PHLPP1: variants seen among roughly 807,000 people sequenced by gnomAD.
PHLPP1 encodes the protein PH domain leucine-rich repeat-containing protein phosphatase 1.
PHLPP1 carries 42 observed loss-of-function variants against 117.2 expected under a neutral mutation model. The ratio of observed to expected loss-of-function variants is 0.36; its 90% CI spans 0.28 to 0.46. PHLPP1 has a LOEUF of 0.46. Among genes scored for constraint, PHLPP1 ranks in the 20% least tolerant of loss-of-function variants. The probability of loss-of-function intolerance (pLI) is 1.00; values close to 1 mark genes in which losing one functional copy is unlikely to be tolerated. For missense variants in PHLPP1, 2,084 were observed against 2,241.9 expected, an observed-to-expected ratio of 0.93 and a Z score of 1.42; for synonymous variants, 1,042 against 970.7, an observed-to-expected ratio of 1.07 and a Z score of -1.37.
intron 4 of PHLPP1, among the ~76,000 whole-genome samples, chr18:62,867,955 G>T (rs1186953786): frequency 6.6e-6 from 1 of 152,044 alleles, no homozygotes; most frequent in Non-Finnish European, 1.5e-5. Context: ...GGGATTACAG[G>T]CGCCCACCAC....
rs780383362 is a variant in PHLPP1 at position 62,717,137 on chromosome 18, C to T, written c.1454C>T (p.Ala485Val). 6.3e-7 allele frequency: 1 copy of T among 1,595,680 alleles called. No homozygotes were observed. The highest frequency in any genetic ancestry group is 1.7e-5 in the Admixed American group (1 of 58,422). ...LHGETTRRLE[A>V]EEKPLQIQND... ...GGAGAGACCACCCGGCGCTTGGAGG[C>T]GGAGGAGAAGCCATTGCAGATCCAA... Residue 485 changes from alanine (A) to valine (V), a missense_variant, in exon 1 of 17, where the codon GCG (alanine) becomes GTG (valine). This residue lies in a region of PHLPP1 where 1,365 missense variants were observed against 1,605.9 expected (regional missense o/e 0.85). Transcript: ENST00000262719.
At chr18:62,733,748 G>A (rs1036984091) in intron 1 of PHLPP1, among the ~76,000 whole-genome samples, 2 of 152,182 alleles carry the variant, frequency 1.3e-5, no homozygotes, top group African/African-American at 2.4e-5. Context: ...CAGGAATGGG[G>A]AGAGAGAGCC....
At chr18:62,939,353 A>G (rs1910063900) in intron 10 of PHLPP1, among the ~76,000 whole-genome samples, 3 of 152,124 alleles carry the variant, frequency 2.0e-5, no homozygotes. Flanking sequence ...AGTCCATGAT[A>G]TTTTAGGGCA....
At chr18:62,795,303 C>A (rs1198385701) in intron 1 of PHLPP1, among the ~76,000 whole-genome samples, 2 of 151,790 alleles carry the variant, frequency 1.3e-5, no homozygotes, top group African/African-American at 4.8e-5. Flanking sequence ...CACGGTGAAA[C>A]CTCATCTCTA....
intron 1 of PHLPP1, among the ~76,000 whole-genome samples, chr18:62,818,628 T>C (rs991844498): frequency 2.6e-5 from 4 of 152,152 alleles, no homozygotes; most frequent in African/African-American, 7.2e-5. Flanking sequence ...GTAAGAAATG[T>C]CAAGCCATTG....
chr18:62,896,112 T>C (rs1233205194), intron 6 of PHLPP1, 101 bp downstream of exon 6: 1 of 674,418 alleles, frequency 1.5e-6, no homozygotes, highest in Non-Finnish European at 2.6e-6. Context: ...GGTAATTGAA[T>C]GTGGGCCCGT....
intron 1 of PHLPP1, among the ~76,000 whole-genome samples, chr18:62,828,711 A>G (rs566084604): frequency 1.3e-5 from 2 of 152,288 alleles, no homozygotes; most frequent in East Asian, 1.9e-4. Context: ...GGTTTTAGAC[A>G]TGTATCAAAA....
chr18:62,789,525 A>G (rs1913395547), intron 1 of PHLPP1, among the ~76,000 whole-genome samples: 1 of 152,068 alleles, frequency 6.6e-6, no homozygotes, highest in African/African-American at 2.4e-5. Context: ...GAGGTGAAAT[A>G]CCTTGTTCTC....
intron 1 of PHLPP1, among the ~76,000 whole-genome samples, chr18:62,772,556 A>AT (rs1183437460): frequency 1.3e-5 from 2 of 152,154 alleles, no homozygotes; most frequent in Non-Finnish European, 2.9e-5. Context: ...TAAATTGGGC[A>AT]TGCTGGCTCA....
intron 1 of PHLPP1, among the ~76,000 whole-genome samples, chr18:62,733,956 C>T (rs752161601): frequency 6.6e-5 from 10 of 152,124 alleles, no homozygotes; most frequent in African/African-American, 2.4e-4. Flanking sequence ...TCACTTGAAT[C>T]GTTTTGGGCT....
rs34653454 is a variant in PHLPP1, at chr18:62,849,649, C to CAA, written c.1899+10759_1899+10760dup. 5.7e-3 allele frequency among the ~76,000 whole-genome samples: 470 copies of CAA among 82,788 alleles called. 2 individuals carry two copies. The highest frequency in any genetic ancestry group is 0.035 in the East Asian group (97 of 2,776). The allele number at this position is 82,788 out of a possible 152,430, so 54.3% of individuals were successfully genotyped here. A position where few individuals can be genotyped will look rare whatever the true frequency, so the allele number is the denominator to read the frequency against. On this transcript the variant is annotated intron_variant, in intron 3 of 16. Transcript: ENST00000262719. ...TGGATGATAGATTGAGATTCTGTCT[C>CAA]AAAAAAAAAAAAAAAAAAAATCTAC...
At chr18:62,728,475 A>G (rs1469181191) in intron 1 of PHLPP1, among the ~76,000 whole-genome samples, 1 of 150,064 alleles carries the variant, frequency 6.7e-6, no homozygotes, top group Non-Finnish European at 1.5e-5. Context: ...CTTAAAGGTC[A>G]TTGTGAAGCA....
chr18:62,761,667 TA>T lies in PHLPP1; in HGVS notation c.1576+44419del, dbSNP rs879729374. The stretch of plus-strand genomic sequence containing the variant: ...TAAATAAAAATAAAAAAATAAAAAA[TA>T]AAAAAAAAAAGAAATGATGGTATTA... On this transcript the variant is annotated intron_variant, in intron 1 of 16. Transcript: ENST00000262719. 3.9e-3 allele frequency among the ~76,000 whole-genome samples: 522 copies of T among 133,980 alleles called. 4 individuals carry two copies. The highest frequency in any genetic ancestry group is 0.011 in the African/African-American group (408 of 36,620). The allele number at this position is 133,980 out of a possible 152,430, so 87.9% of individuals were successfully genotyped here.
chr18:62,768,051 A>G (rs554094541), intron 1 of PHLPP1, among the ~76,000 whole-genome samples: 51 of 152,328 alleles, frequency 3.3e-4, no homozygotes, highest in Non-Finnish European at 4.3e-4. Flanking sequence ...TAGCACCTCT[A>G]TATCTGGGGA....
intron 12 of PHLPP1, among the ~76,000 whole-genome samples, chr18:62,956,401 T>C (rs777034695): frequency 6.6e-6 from 1 of 152,226 alleles, no homozygotes; most frequent in African/African-American, 2.4e-5. Context: ...TGACCTCATC[T>C]GTTCCCAAAG....
intron 7 of PHLPP1, among the ~76,000 whole-genome samples, chr18:62,903,655 T>C (rs1916779226): frequency 6.6e-6 from 1 of 151,790 alleles, no homozygotes; most frequent in Non-Finnish European, 1.5e-5. Context: ...TCCCAGCTAC[T>C]TGGGAATGGG....
chr18:62,734,385 G>A (rs1264828027), intron 1 of PHLPP1, among the ~76,000 whole-genome samples: 2 of 152,178 alleles, frequency 1.3e-5, no homozygotes, highest in Non-Finnish European at 2.9e-5. Context: ...AAATCTTTCA[G>A]CATTCATATA....
chr18:62,863,575 G>A (rs751499955), intron 4 of PHLPP1, among the ~76,000 whole-genome samples: 10 of 152,188 alleles, frequency 6.6e-5, no homozygotes, highest in Non-Finnish European at 1.3e-4. Flanking sequence ...TGGGAAAGGG[G>A]TAGCCAAGTC....
intron 15 of PHLPP1, among the ~76,000 whole-genome samples, chr18:62,973,607 C>A (rs183164280): frequency 6.6e-6 from 1 of 152,146 alleles, no homozygotes; most frequent in African/African-American, 2.4e-5. Flanking sequence ...TTCAGAGCAG[C>A]CTTTACAGTG....
Sources: gnomAD v4.1 joint callset for allele counts (sites outside exome capture counted in the v4.1 genomes callset) on GRCh38, gnomAD v4.1.1 for gene constraint, gnomAD v4.1.1 regional missense constraint, MANE v1.5 for transcripts, NCBI Gene and HGNC (gene_info 2026-07-23, HGNC 2026-07-21) for gene names.